Variants in SLC35F3 observed in about 807,000 individuals in gnomAD.
SLC35F3 encodes the protein putative thiamine transporter SLC35F3.
A neutral mutation model predicts 49.9 loss-of-function variants in SLC35F3; 25 were observed. That is an observed-to-expected ratio of 0.50 (90% confidence interval 0.37 to 0.70). SLC35F3 has a LOEUF of 0.70. Among genes scored for constraint, SLC35F3 ranks in the 30% least tolerant of loss-of-function variants. SLC35F3 has a pLI of 0.00. For missense variants in SLC35F3, 525 were observed against 639.8 expected (o/e 0.82, Z 1.94); for synonymous variants, 275 against 265.4 (o/e 1.04, Z -0.35).
At chr1:233,905,832 C>A in intron 2 of SLC35F3, 74 bp downstream of exon 2, 3 of 1,393,754 alleles carry the variant, frequency 2.2e-6, no homozygotes, top group Non-Finnish European at 3.0e-6. Context: ...CCTCGGGGAG[C>A]GCACGCAGTG....
chr1:234,068,706 C>T (rs760388415), intron 2 of SLC35F3, among the ~76,000 whole-genome samples: 9 of 150,650 alleles, frequency 6.0e-5, no homozygotes, highest in Non-Finnish European at 1.3e-4. Flanking sequence ...CAGTAAGAGG[C>T]AAGAGTGCAG....
At chr1:234,268,273 C>G (rs536265536) in intron 3 of SLC35F3, among the ~76,000 whole-genome samples, 3 of 152,142 alleles carry the variant, frequency 2.0e-5, no homozygotes, top group African/African-American at 7.2e-5. Flanking sequence ...GCCAACACAG[C>G]GAAACCCCGT....
chr1:234,284,661 G>T (rs1668382677), intron 3 of SLC35F3, among the ~76,000 whole-genome samples: 1 of 152,306 alleles, frequency 6.6e-6, no homozygotes, highest in East Asian at 1.9e-4. Context: ...GAAAGGAGGG[G>T]TTACTGAAAG....
intron 2 of SLC35F3, among the ~76,000 whole-genome samples, chr1:234,076,684 C>T (rs1030607328): frequency 3.9e-5 from 6 of 152,112 alleles, no homozygotes; most frequent in Non-Finnish European, 7.3e-5. Flanking sequence ...TGTTCTCGAA[C>T]TCATGACCTC....
chr1:234,193,082 A>C (rs963033604), intron 2 of SLC35F3, among the ~76,000 whole-genome samples: 1 of 152,192 alleles, frequency 6.6e-6, no homozygotes, highest in Admixed American at 6.5e-5. Flanking sequence ...TTCTTCACAG[A>C]ACTAGTAAAA....
chr1:234,139,381 C>G (rs1041624515), intron 2 of SLC35F3, among the ~76,000 whole-genome samples: 4 of 152,146 alleles, frequency 2.6e-5, no homozygotes, highest in Non-Finnish European at 5.9e-5. Flanking sequence ...AATTGTAGCT[C>G]CACTTCTTCC....
intron 2 of SLC35F3, among the ~76,000 whole-genome samples, chr1:234,085,950 C>A (rs1383899607): frequency 6.6e-6 from 1 of 152,168 alleles, no homozygotes; most frequent in African/African-American, 2.4e-5. Context: ...GAACTATATA[C>A]CCTGTCTTGT....
At chr1:233,968,565 G>C (rs1392004124) in intron 2 of SLC35F3, among the ~76,000 whole-genome samples, 1 of 151,784 alleles carries the variant, frequency 6.6e-6, no homozygotes, top group African/African-American at 2.4e-5. Flanking sequence ...TTGGCTCACT[G>C]CAACCTCTGT....
intron 2 of SLC35F3, among the ~76,000 whole-genome samples, chr1:233,938,287 A>G (rs374400077): frequency 6.6e-6 from 1 of 152,272 alleles, no homozygotes; most frequent in African/African-American, 2.4e-5. Context: ...GCTAGTTTTC[A>G]ATTTGTCCCT....
intron 2 of SLC35F3, among the ~76,000 whole-genome samples, chr1:234,111,032 T>C (rs1369252082): frequency 6.6e-6 from 1 of 152,078 alleles, no homozygotes; most frequent in Non-Finnish European, 1.5e-5. Context: ...GACGGTGAGA[T>C]TTTAGAACAT....
intron 2 of SLC35F3, among the ~76,000 whole-genome samples, chr1:234,062,844 A>AT (rs71170448): frequency 0.23 from 29,844 of 132,336 alleles, 3,525 homozygotes; most frequent in African/African-American, 0.29. Flanking sequence ...CGCCTGGCTA[A>AT]TTTTTTTTTT....
chr1:234,066,829 C>CA (rs1491452993), intron 2 of SLC35F3, among the ~76,000 whole-genome samples: 1,816 of 79,652 alleles, frequency 0.023, 54 homozygotes, highest in African/African-American at 0.08. Context: ...CCCTCTCTCT[C>CA]CCACACACAC....
chr1:234,139,820 C>T (rs79201778), intron 2 of SLC35F3, among the ~76,000 whole-genome samples: 7 of 151,718 alleles, frequency 4.6e-5, no homozygotes, highest in East Asian at 1.9e-4. Flanking sequence ...TGGTGGCACA[C>T]GCCTGTAGTC....
At chr1:233,949,707 T>C (rs1405526040) in intron 2 of SLC35F3, among the ~76,000 whole-genome samples, 7 of 152,190 alleles carry the variant, frequency 4.6e-5, no homozygotes, top group Non-Finnish European at 1.0e-4. Flanking sequence ...GGTTAATTAG[T>C]GTCGCTAGCA....
chr1:233,936,358 C>G (rs1156785146), intron 2 of SLC35F3, among the ~76,000 whole-genome samples: 1 of 152,122 alleles, frequency 6.6e-6, no homozygotes, highest in African/African-American at 2.4e-5. Flanking sequence ...ATAAGTTTTT[C>G]TAGGATACTA....
chr1:234,279,713 G>A (rs191047452), intron 3 of SLC35F3, among the ~76,000 whole-genome samples: 139 of 152,310 alleles, frequency 9.1e-4, no homozygotes, highest in Non-Finnish European at 1.6e-3. Context: ...GGCCTGGGTC[G>A]GCTGCTTACA....
intron 2 of SLC35F3, among the ~76,000 whole-genome samples, chr1:233,993,779 C>T (rs1663405645): frequency 6.6e-6 from 1 of 152,190 alleles, no homozygotes; most frequent in South Asian, 2.1e-4. Context: ...TTCATCTGCA[C>T]TGGTGACTCT....
Position 234,280,204 on chromosome 1 carries a change from T to G in SLC35F3, c.609-28897T>G, listed in dbSNP as rs1668300607. On this transcript the variant is annotated intron_variant, in intron 3 of 7. Transcript: ENST00000366618. The stretch of plus-strand genomic sequence containing the variant: ...TCCATTGCACATTAAAGAACATTCC[T>G]GCTTCCTTCTCAGCCCATGGCTTCC... Among the ~76,000 whole-genome samples the G allele has an allele frequency of 1.3e-5, 2 of 152,238 alleles. 1 individual carries two copies. Among genetic ancestry groups the G allele is most frequent in the African/African-American group, 4.8e-5 (2 of 41,460 alleles).
intron 2 of SLC35F3, among the ~76,000 whole-genome samples, chr1:234,195,535 G>T (rs1666794712): frequency 6.6e-6 from 1 of 151,994 alleles, no homozygotes; most frequent in Non-Finnish European, 1.5e-5. Context: ...TTTTCATTGT[G>T]TCCCCTTTGA....
Sources: allele counts gnomAD v4.1 joint callset (sites outside exome capture counted in the v4.1 genomes callset), GRCh38; gene constraint gnomAD v4.1.1; transcripts MANE v1.5; gene names NCBI Gene and HGNC (gene_info 2026-07-23, HGNC 2026-07-21).